Variants in SDE2 observed in about 807,000 individuals in gnomAD.
SDE2 encodes the protein spliceosome associated SDE2, also known as splicing regulator SDE2.
In SDE2, 31 loss-of-function variants were observed where a neutral mutation model predicts 46.9. The ratio of observed to expected loss-of-function variants is 0.66; its 90% CI spans 0.50 to 0.89. SDE2 has a LOEUF of 0.89. Ranked by LOEUF, SDE2 falls within the 40% of genes least tolerant of loss-of-function variation. The pLI is 0.00. For missense variants in SDE2, 542 were observed against 564.4 expected (o/e 0.96, Z 0.40); for synonymous variants, 205 against 204.3 (o/e 1.00, Z -0.03).
chr1:225,985,627 C>A (rs1656253193), intron 6 of SDE2, 104 bp from the exon 7 acceptor site: 1 of 714,120 alleles, frequency 1.4e-6, no homozygotes, highest in Non-Finnish European at 2.4e-6. Context: ...TTTAATTTGC[C>A]ATACCTTGCA....
intron 5 of SDE2, among the ~76,000 whole-genome samples, chr1:225,990,472 G>A (rs543501333): frequency 6.6e-6 from 1 of 152,138 alleles, no homozygotes; most frequent in African/African-American, 2.4e-5. Context: ...TGATGGTAAC[G>A]TGACTATATA....
Position 225,984,947 on chromosome 1 carries a change from A to G in SDE2, c.*355T>C. The G allele has an allele frequency of 4.7e-6, 1 of 212,240 alleles. No individual in the cohort carries two copies. Among genetic ancestry groups the G allele is most frequent in the Non-Finnish European group, 9.4e-6 (1 of 106,008 alleles). 13.1% of individuals were successfully genotyped at this position (212,240 alleles called of 1,614,324 possible). A position where few individuals can be genotyped will look rare whatever the true frequency, so the allele number is the denominator to read the frequency against. ...CAACACAGCTCCTAAAGACATTAAA[A>G]GGGTAAGAAGGGACCATTATAAATA... On this transcript the variant is annotated 3_prime_UTR_variant, in exon 7 of 7. Transcript: ENST00000272091.
At position 225,985,454 on chromosome 1, in the gene SDE2, C is replaced by T. The variant is rs747430911; in HGVS notation, c.1204G>A (p.Glu402Lys). ...SVAELELLGLEKLKCELMALG... is the reference protein window; with the variant it reads ...SVAELELLGLKKLKCELMALG... Reference sequence around the variant, plus strand: ...GCCATCAGTTCACATTTGAGCTTCTCCAAACCCAGCAACTCCAGTTCTGCA... The same window carrying T: ...GCCATCAGTTCACATTTGAGCTTCTTCAAACCCAGCAACTCCAGTTCTGCA... The change falls in exon 7 of 7, where the codon GAG (glutamate) becomes AAG (lysine). Residue 402 changes from glutamate (E) to lysine (K), a missense_variant. By Grantham distance (56) the Glu-to-Lys change is moderately conservative. Transcript: ENST00000272091. The T allele has an allele frequency of 1.2e-6, 2 of 1,614,196 alleles. No individual in the cohort carries two copies. The highest frequency in any genetic ancestry group is 1.7e-5 in the Admixed American group (1 of 60,018).
intron 2 of SDE2, among the ~76,000 whole-genome samples, chr1:225,993,731 C>T (rs1402630208): frequency 1.3e-5 from 2 of 152,114 alleles, no homozygotes; most frequent in Admixed American, 1.3e-4. Context: ...ATTTTAAGCT[C>T]CACTGGCTGA....
chr1:225,987,009 C>G (rs1398827982), intron 6 of SDE2, among the ~76,000 whole-genome samples: 1 of 152,148 alleles, frequency 6.6e-6, no homozygotes, highest in Non-Finnish European at 1.5e-5. Context: ...TAGTGAAAAA[C>G]CAACTTTTTG....
Position 225,989,313 on chromosome 1 carries a change from T to A in SDE2, c.642-925A>T, listed in dbSNP as rs1259728510. ...TGTCTCAAAAAAAAAAAAAAAATAATAATAATAATAATAAATAGTTATAAA... is the reference window on the plus strand; with the variant it reads ...TGTCTCAAAAAAAAAAAAAAAATAAAAATAATAATAATAAATAGTTATAAA... On this transcript the variant is annotated intron_variant, in intron 5 of 6. Transcript: ENST00000272091. Among the ~76,000 whole-genome samples the A allele has an allele frequency of 1.6e-3, 218 of 134,172 alleles. 2 individuals carry two copies. Among genetic ancestry groups the A allele is most frequent in the Middle Eastern group, 0.011 (2 of 176 alleles). 88.0% of individuals were successfully genotyped at this position (134,172 alleles called of 152,430 possible).
chr1:225,988,204 G>T lies in SDE2; in HGVS notation c.826C>A (p.His276Asn). 1 of 1,614,072 alleles carries T rather than the reference G, an allele frequency of 6.2e-7. No individual in the cohort carries two copies. Among genetic ancestry groups the T allele is most frequent in the Non-Finnish European group, 8.5e-7 (1 of 1,179,964 alleles). Residue 276 changes from histidine to asparagine, a missense_variant, in exon 6 of 7, where the codon CAT (histidine) becomes AAT (asparagine). Coordinates refer to ENST00000272091, the MANE Select transcript of SDE2 (RefSeq NM_152608.4). ...SQRARVVNTD[H>N]GSPEQLQIPV... ...ATCTGCAGTTGTTCTGGTGATCCAT[G>T]GTCTGTATTCACTACTCTCGCCCTC...
rs1656290975 is a variant in SDE2, at chr1:225,987,356, G to GAT, written c.1134+538_1134+539dup. ...GCGTGAGCCACCGCACCTGGCTGAA[G>GAT]ATGCCTTTTTTAAAAGGCTGACTGT... On this transcript the variant is annotated intron_variant, in intron 6 of 6. Coordinates refer to ENST00000272091, the MANE Select transcript of SDE2 (RefSeq NM_152608.4). 6.6e-5 allele frequency among the ~76,000 whole-genome samples: 10 copies of GAT among 152,240 alleles called. No homozygotes were observed. The South Asian group carries it at 2.1e-3, about 32-fold the overall frequency.
chr1:225,988,683 C>T (rs966363784), intron 5 of SDE2, among the ~76,000 whole-genome samples: 2 of 152,002 alleles, frequency 1.3e-5, no homozygotes, highest in Admixed American at 6.6e-5. Flanking sequence ...GAGACGAGAT[C>T]GCGCCATTGT....
At chr1:225,996,216 G>T (rs1656520903) in intron 1 of SDE2, among the ~76,000 whole-genome samples, 1 of 152,204 alleles carries the variant, frequency 6.6e-6, no homozygotes, top group Non-Finnish European at 1.5e-5. Flanking sequence ...TATCTGCAAT[G>T]AGGTAACATG....
Position 225,988,133 on chromosome 1 carries a change from A to G in SDE2, c.897T>C (p.Ala299=). 6.2e-7 allele frequency: 1 copy of G among 1,614,210 alleles called. No individual in the cohort carries two copies. Among genetic ancestry groups the G allele is most frequent in the Non-Finnish European group, 8.5e-7 (1 of 1,180,044 alleles). The part of the protein sequence containing the change: ...SGRHILEDSC[A]ELGESKEHME... ...TGTGCTCTTTGGACTCCCCCAGCTC[A>G]GCACATGAGTCTTCTAAAATATGCC... is the stretch of plus-strand genomic sequence containing the variant. The change falls in exon 6 of 7, where the codon GCT becomes GCC. Residue 299 remains alanine (A), a synonymous_variant. Coordinates refer to ENST00000272091, the MANE Select transcript of SDE2 (RefSeq NM_152608.4).
At chr1:225,985,866 A>G (rs1656257761) in intron 6 of SDE2, among the ~76,000 whole-genome samples, 1 of 152,226 alleles carries the variant, frequency 6.6e-6, no homozygotes, top group Non-Finnish European at 1.5e-5. Context: ...CAGAAAGAGC[A>G]GGCACTCCTA....
In SDE2 at chr1:225,999,202, G is replaced by A. The variant is rs2102707938; in HGVS notation, c.111C>T (p.Cys37=). 1 of 1,612,142 alleles carries A rather than the reference G, an allele frequency of 6.2e-7. No individual in the cohort carries two copies. Among genetic ancestry groups the A allele is most frequent in the Non-Finnish European group, 8.5e-7 (1 of 1,178,788 alleles). Residue 37 remains cysteine (C), a synonymous_variant, in exon 1 of 7, where the codon TGC becomes TGT. Coordinates refer to ENST00000272091, the MANE Select transcript of SDE2 (RefSeq NM_152608.4). ...GAACCGAAATCCTCACCTGATCTTG[G>A]CAGTGCCGGTGGATAAAATCCCGGA... is the stretch of plus-strand genomic sequence containing the variant. ...CTVRDFIHRH[C]QDQNVPVENF... is the part of the protein sequence containing the mutation.
Position 225,983,662 on chromosome 1 carries a change from A to C in SDE2, c.*1640T>G, listed in dbSNP as rs559719346. ...GATTACAGCTGTAATCTCAGCATGTAATCTCATGCTGGATTACAGGCATGA... is the reference window on the plus strand; with the variant it reads ...GATTACAGCTGTAATCTCAGCATGTCATCTCATGCTGGATTACAGGCATGA... On this transcript the variant is annotated 3_prime_UTR_variant, in exon 7 of 7. Transcript: ENST00000272091. 6.6e-6 allele frequency: 1 copy of C among 151,646 alleles called. No homozygotes were observed. Among genetic ancestry groups the C allele is most frequent in the South Asian group, 2.1e-4 (1 of 4,820 alleles). 9.4% of individuals were successfully genotyped at this position (151,646 alleles called of 1,614,324 possible). A position where few individuals can be genotyped will look rare whatever the true frequency, so the allele number is the denominator to read the frequency against.
chr1:225,992,589 A>C (rs757635043), intron 3 of SDE2, 22 bp from the exon 4 acceptor site: 2 of 1,477,906 alleles, frequency 1.4e-6, no homozygotes, highest in Non-Finnish European at 1.9e-6. Context: ...GGAGGAAGAG[A>C]TATAACTGAA....
intron 5 of SDE2, among the ~76,000 whole-genome samples, chr1:225,989,585 T>C (rs1246733255): frequency 6.7e-6 from 1 of 148,392 alleles, no homozygotes; most frequent in Non-Finnish European, 1.5e-5. Flanking sequence ...GCCGAGATTG[T>C]GCCATTGCAC....
At chr1:225,991,419 T>C in intron 4 of SDE2, 56 bp from the exon 5 acceptor site, 1 of 1,441,144 alleles carries the variant, frequency 6.9e-7, no homozygotes, top group Non-Finnish European at 9.6e-7. Context: ...TTTAAAGAAA[T>C]CATAAATAAC....
rs1558082555 is a variant in SDE2 at position 225,984,912 on chromosome 1, A to T, written c.*390T>A. 1.1e-5 allele frequency: 2 copies of T among 174,374 alleles called. No individual in the cohort carries two copies. Among genetic ancestry groups the T allele is most frequent in the Non-Finnish European group, 2.4e-5 (2 of 81,856 alleles). The allele number at this position is 174,374 out of a possible 1,614,324, so 10.8% of individuals were successfully genotyped here. On this transcript the variant is annotated 3_prime_UTR_variant, in exon 7 of 7. Coordinates refer to ENST00000272091, the MANE Select transcript of SDE2 (RefSeq NM_152608.4). ...AGAAATTACCAGTATCATAATGAAA[A>T]GGAAATTATCAACACAGCTCCTAAA...
intron 6 of SDE2, among the ~76,000 whole-genome samples, chr1:225,986,915 A>G (rs1249811458): frequency 2.0e-5 from 3 of 152,236 alleles, no homozygotes; most frequent in African/African-American, 7.2e-5. Context: ...AAGGAAATTA[A>G]GTAGTTTAGG....
Sources: gnomAD v4.1 joint callset for allele counts (sites outside exome capture counted in the v4.1 genomes callset) on GRCh38, gnomAD v4.1.1 for gene constraint, MANE v1.5 for transcripts, NCBI Gene and HGNC (gene_info 2026-07-23, HGNC 2026-07-21) for gene names.